Variants in CNOT4 observed in about 807,000 individuals in gnomAD.
CNOT4 encodes the protein CCR4-NOT transcription complex subunit 4.
A neutral mutation model predicts 73.8 loss-of-function variants in CNOT4; 8 were observed. That is an observed-to-expected ratio of 0.11 (90% CI 0.06 to 0.20). CNOT4 has a LOEUF of 0.20. Among genes scored for constraint, CNOT4 ranks in the 10% least tolerant of loss-of-function variants. The probability of loss-of-function intolerance (pLI) is 1.00; values close to 1 mark genes in which losing one functional copy is unlikely to be tolerated. For synonymous variants in CNOT4, 293 were observed against 321.1 expected (o/e 0.91, Z 0.94); for missense variants, 564 against 883.4 (o/e 0.64, Z 4.58).
At chr7:135,377,621 AT>A (rs1795593312) in intron 10 of CNOT4, among the ~76,000 whole-genome samples, 1 of 152,242 alleles carries the variant, frequency 6.6e-6, no homozygotes, top group African/African-American at 2.4e-5. Flanking sequence ...ATAGGAACAC[AT>A]CTTTTCCAGA....
chr7:135,381,619 G>A (rs1303862345), intron 10 of CNOT4, among the ~76,000 whole-genome samples: 1 of 152,184 alleles, frequency 6.6e-6, no homozygotes, highest in African/African-American at 2.4e-5. Flanking sequence ...AAAACACAGA[G>A]TCTAGAAGCA....
intron 1 of CNOT4, among the ~76,000 whole-genome samples, chr7:135,457,729 C>T (rs1800633402): frequency 6.6e-6 from 1 of 151,970 alleles, no homozygotes; most frequent in Admixed American, 6.6e-5. Flanking sequence ...CATTGTAATA[C>T]AATTAGCAAT....
intron 10 of CNOT4, chr7:135,384,487 G>C: frequency 3.7e-6 from 2 of 543,162 alleles, no homozygotes; most frequent in Middle Eastern, 5.8e-4. Flanking sequence ...GGGTTTCACC[G>C]TGTTAGCCAG....
intron 1 of CNOT4, among the ~76,000 whole-genome samples, chr7:135,498,610 A>G (rs1803750913): frequency 6.6e-6 from 1 of 152,068 alleles, no homozygotes; most frequent in South Asian, 2.1e-4. Context: ...GTGCAATGGC[A>G]TGGTCTTGGC....
chr7:135,466,838 A>G (rs1353163263), intron 1 of CNOT4, among the ~76,000 whole-genome samples: 2 of 152,202 alleles, frequency 1.3e-5, no homozygotes, highest in Non-Finnish European at 2.9e-5. Context: ...CATACCATAC[A>G]GGTTTGTAGC....
intron 1 of CNOT4, among the ~76,000 whole-genome samples, chr7:135,494,506 C>T (rs1207054812): frequency 6.9e-6 from 1 of 145,342 alleles, no homozygotes; most frequent in Non-Finnish European, 1.5e-5. Flanking sequence ...ACCACCAGCA[C>T]TTTGAACACT....
At chr7:135,509,432 T>G (rs1804595749) in intron 1 of CNOT4, 1 of 152,536 alleles carries the variant, frequency 6.6e-6, no homozygotes, top group Non-Finnish European at 1.5e-5. Flanking sequence ...GTGGGATTAA[T>G]GAGCAGCAGC....
chr7:135,410,480 A>C (rs748946796), intron 7 of CNOT4, 35 bp downstream of exon 7: 1 of 1,317,226 alleles, frequency 7.6e-7, no homozygotes, highest in Non-Finnish European at 1.0e-6. Context: ...ACTGATAAGA[A>C]GGTAAGATGT....
chr7:135,411,042 T>C (rs1247430645), intron 6 of CNOT4, among the ~76,000 whole-genome samples: 2 of 152,082 alleles, frequency 1.3e-5, no homozygotes, highest in African/African-American at 4.8e-5. Flanking sequence ...AACACTGAGT[T>C]TTCTGAAAAT....
At position 135,413,626 on chromosome 7, in the gene CNOT4, G is replaced by A. The variant is rs1157877309; in HGVS notation, c.562-13C>T. 6.2e-7 allele frequency: 1 copy of A among 1,606,870 alleles called. No individual in the cohort carries two copies. The highest frequency in any genetic ancestry group is 1.7e-5 in the Admixed American group (1 of 59,034). On this transcript the variant is annotated splice_polypyrimidine_tract_variant and intron_variant, in intron 5 of 11. Transcript: ENST00000541284. Reference sequence around the variant, plus strand: ...TACCTAGAGATGCCTGCAGGAGGAAGAGGGGTAAAGGAAAAGAAGACTCAA... The same window carrying A: ...TACCTAGAGATGCCTGCAGGAGGAAAAGGGGTAAAGGAAAAGAAGACTCAA...
intron 7 of CNOT4, among the ~76,000 whole-genome samples, chr7:135,406,653 T>C (rs1797304680): frequency 1.3e-5 from 2 of 152,092 alleles, no homozygotes; most frequent in Admixed American, 1.3e-4. Flanking sequence ...AGCAAGACTC[T>C]CAAAAATTTT....
At chr7:135,432,605 C>T (rs1798911276) in intron 2 of CNOT4, among the ~76,000 whole-genome samples, 1 of 152,186 alleles carries the variant, frequency 6.6e-6, no homozygotes, top group African/African-American at 2.4e-5. Context: ...GCACAGCTGT[C>T]ATCCTTTCCC....
At chr7:135,368,851 G>A (rs1795050453) in intron 10 of CNOT4, among the ~76,000 whole-genome samples, 1 of 152,202 alleles carries the variant, frequency 6.6e-6, no homozygotes, top group Non-Finnish European at 1.5e-5. Context: ...ACAGAACACT[G>A]CTTGGGCAAG....
intron 2 of CNOT4, among the ~76,000 whole-genome samples, chr7:135,422,861 A>G (rs1479455845): frequency 6.6e-6 from 1 of 152,178 alleles, no homozygotes; most frequent in Non-Finnish European, 1.5e-5. Context: ...ACTAGCAATC[A>G]CACTGTTGTG....
intron 2 of CNOT4, among the ~76,000 whole-genome samples, chr7:135,430,562 T>C (rs1798766768): frequency 6.6e-6 from 1 of 152,088 alleles, no homozygotes; most frequent in Admixed American, 6.6e-5. Flanking sequence ...GGAGAATTGC[T>C]TGAGCCCAGG....
At chr7:135,497,380 G>C (rs1380413228) in intron 1 of CNOT4, among the ~76,000 whole-genome samples, 1 of 152,082 alleles carries the variant, frequency 6.6e-6, no homozygotes, top group East Asian at 1.9e-4. Flanking sequence ...CTGCACTATA[G>C]CCTGGGTGAG....
At chr7:135,403,177 T>C (rs1392853093) in intron 7 of CNOT4, among the ~76,000 whole-genome samples, 6 of 152,236 alleles carry the variant, frequency 3.9e-5, no homozygotes, top group African/African-American at 1.2e-4. Flanking sequence ...CACTGTCATG[T>C]TACCATATAT....
intron 10 of CNOT4, among the ~76,000 whole-genome samples, chr7:135,371,868 G>A (rs6467588): frequency 0.99 from 150,358 of 152,336 alleles, 74,231 homozygotes; most frequent in Middle Eastern, 1. Context: ...CGCTAAATGA[G>A]GGCAAGGGAC....
At chr7:135,403,526 G>A (rs1169558911) in intron 7 of CNOT4, among the ~76,000 whole-genome samples, 1 of 152,148 alleles carries the variant, frequency 6.6e-6, no homozygotes. Context: ...GGCTGAGGCA[G>A]GAAGATCACT....
Sources: allele counts gnomAD v4.1 joint callset (sites outside exome capture counted in the v4.1 genomes callset), GRCh38; gene constraint gnomAD v4.1.1; transcripts MANE v1.5; gene names NCBI Gene and HGNC (gene_info 2026-07-23, HGNC 2026-07-21).